XRN1: variants seen among roughly 807,000 people sequenced by gnomAD.
The protein encoded by XRN1 is strand-exchange protein 1 homolog.
In XRN1, 67 loss-of-function variants were observed where a neutral mutation model predicts 222.3. The ratio of observed to expected loss-of-function variants is 0.30; its 90% CI spans 0.25 to 0.37. The LOEUF (loss-of-function observed/expected upper bound fraction) is 0.37. Among genes scored for constraint, XRN1 ranks in the 10% least tolerant of loss-of-function variants. The probability of loss-of-function intolerance (pLI) is 1.00; values close to 1 mark genes in which losing one functional copy is unlikely to be tolerated. For missense variants in XRN1, 1,707 were observed against 2,000.2 expected (o/e 0.85, Z 2.80); for synonymous variants, 643 against 652.4 (o/e 0.99, Z 0.22).
chr3:142,335,873 G>C (rs533034291), intron 33 of XRN1, among the ~76,000 whole-genome samples: 1 of 152,174 alleles, frequency 6.6e-6, no homozygotes, highest in Non-Finnish European at 1.5e-5. Context: ...GCAGGTTAGA[G>C]CCATAATCTG....
chr3:142,401,574 C>G (rs2068133411), intron 18 of XRN1, among the ~76,000 whole-genome samples: 1 of 151,904 alleles, frequency 6.6e-6, no homozygotes, highest in Non-Finnish European at 1.5e-5. Context: ...AAAAATTGGC[C>G]AAGCGTGGTG....
chr3:142,371,322 T>C lies in XRN1; in HGVS notation c.2985A>G (p.Pro995=), dbSNP rs776556153. 2.5e-6 allele frequency: 4 copies of C among 1,610,174 alleles called. No homozygotes were observed. In the South Asian group the frequency reaches 3.3e-5, roughly 13 times the overall value. The part of the protein sequence containing the change: ...QLLAEYLERA[P]ELFSYIAKNS... ...TTTTGGCTATATAACTAAATAGTTCTGGAGCTCTGGTCAAACAAACAAAAA... is the reference window on the plus strand; with the variant it reads ...TTTTGGCTATATAACTAAATAGTTCCGGAGCTCTGGTCAAACAAACAAAAA... Residue 995 remains proline, a synonymous_variant, in exon 26 of 41, where the codon CCA becomes CCG. Coordinates refer to ENST00000392981, the MANE Select transcript of XRN1 (RefSeq NM_001282857.2).
Position 142,409,850 on chromosome 3 carries a change from T to C in XRN1, c.1713+2694A>G, listed in dbSNP as rs923861036. On this transcript the variant is annotated intron_variant, in intron 15 of 40. Transcript: ENST00000392981. ...CAAGGTAGAGGGCTTCCACATATGT[T>C]GTTAAGTTTATAGCTGTGTATTTTA... 3.3e-5 allele frequency among the ~76,000 whole-genome samples: 5 copies of C among 152,310 alleles called. No homozygotes were observed. In the South Asian group the frequency reaches 8.3e-4, roughly 25 times the overall value.
intron 33 of XRN1, among the ~76,000 whole-genome samples, chr3:142,340,104 C>T (rs963154831): frequency 2.0e-5 from 3 of 152,042 alleles, no homozygotes; most frequent in African/African-American, 7.2e-5. Context: ...GCCTGTAATC[C>T]CAGCACTTTG....
At chr3:142,380,280 G>C in intron 22 of XRN1, 100 bp from the exon 23 acceptor site, 1 of 969,574 alleles carries the variant, frequency 1.0e-6, no homozygotes, top group African/African-American at 1.6e-5. Flanking sequence ...TGACAAGTTG[G>C]ATAGTGGAAA....
chr3:142,379,707 C>T (rs1047796668), intron 23 of XRN1, among the ~76,000 whole-genome samples: 6 of 152,158 alleles, frequency 3.9e-5, no homozygotes, highest in Non-Finnish European at 7.4e-5. Flanking sequence ...ATACATACAG[C>T]CTTTGCAGAA....
rs376270845 is a variant in XRN1, at chr3:142,384,518, C to A, written c.2502+5G>T. On this transcript the variant is annotated splice_donor_5th_base_variant and intron_variant, in intron 21 of 40. Transcript: ENST00000392981. ...AGACAGAATTGAAACTTGATATAGA[C>A]TTACCTTGACAATAGTTTGATAAAC... The A allele has an allele frequency of 3.7e-6, 6 of 1,607,180 alleles. No individual in the cohort carries two copies. In the African/African-American group the frequency reaches 6.7e-5, roughly 18 times the overall value.
At position 142,421,092 on chromosome 3, in the gene XRN1, C is replaced by A. The variant is rs2069012297; in HGVS notation, c.1097G>T (p.Gly366Val). 6.2e-7 allele frequency: 1 copy of A among 1,614,012 alleles called. No homozygotes were observed. The highest frequency in any genetic ancestry group is 8.5e-7 in the Non-Finnish European group (1 of 1,179,972). Residue 366 changes from glycine (G) to valine (V), a missense_variant, in exon 10 of 41, where the codon GGT becomes GTT. Transcript: ENST00000392981. ...VDLKWFESKVGNKYLNEAAGV... is the reference protein window; with the variant it reads ...VDLKWFESKVVNKYLNEAAGV... ...TGCTGCTTCATTGAGGTACTTGTTA[C>A]CAACTTTGCTTTCAAACCATTTTAG...
intron 26 of XRN1, 51 bp from the exon 27 acceptor site, chr3:142,370,671 T>C (rs916923984): frequency 7.5e-6 from 11 of 1,471,116 alleles, no homozygotes; most frequent in South Asian, 1.4e-5. Context: ...TTCTCAGGGC[T>C]ATAAATTATA....
intron 25 of XRN1, 145 bp from the exon 26 acceptor site, chr3:142,371,473 G>A (rs909550897): frequency 1.2e-5 from 8 of 647,756 alleles, no homozygotes; most frequent in Non-Finnish European, 1.8e-5. Flanking sequence ...TATTAAAAGT[G>A]ATAGAAAGTG....
chr3:142,307,729 T>C lies in XRN1; in HGVS notation c.*3782A>G, dbSNP rs1313573204. Reference sequence around the variant, plus strand: ...AGTCAGTCCGAACGACATTAATTTCTGGAATTTTAAGCTTTATCTTGACTA... The same window carrying C: ...AGTCAGTCCGAACGACATTAATTTCCGGAATTTTAAGCTTTATCTTGACTA... On this transcript the variant is annotated 3_prime_UTR_variant, in exon 41 of 41. Transcript: ENST00000392981. 2 of 152,208 alleles carry C rather than the reference T, an allele frequency of 1.3e-5. No individual in the cohort carries two copies. Among genetic ancestry groups the C allele is most frequent in the Admixed American group, 1.3e-4 (2 of 15,278 alleles). 9.4% of individuals were successfully genotyped at this position (152,208 alleles called of 1,614,324 possible).
chr3:142,332,428 T>C lies in XRN1; in HGVS notation c.4169A>G (p.Asn1390Ser), dbSNP rs2065725866. 2 of 1,613,032 alleles carry C rather than the reference T, an allele frequency of 1.2e-6. No homozygotes were observed. Among genetic ancestry groups the C allele is most frequent in the African/African-American group, 1.3e-5 (1 of 74,910 alleles). The change falls in exon 36 of 41, where the codon AAC (asparagine) becomes AGC (serine). Residue 1390 changes from asparagine (N) to serine (S), a missense_variant. Transcript: ENST00000392981. ...QIANEIPVSS[N>S]RRDEYGLPSQ... is the part of the protein sequence containing the mutation. ...GGGTAATCCATATTCATCTCTTCTG[T>C]TAGAGGAAACAGGGATTTCATTAGC... is the stretch of plus-strand genomic sequence containing the variant.
chr3:142,330,327 A>G (rs2065658575), intron 36 of XRN1, among the ~76,000 whole-genome samples: 1 of 152,236 alleles, frequency 6.6e-6, no homozygotes, highest in Non-Finnish European at 1.5e-5. Context: ...GCTCTGAAAT[A>G]ATATTTCTTA....
At chr3:142,436,271 C>CAT (rs539949953) in intron 1 of XRN1, among the ~76,000 whole-genome samples, 154 of 152,170 alleles carry the variant, frequency 1.0e-3, no homozygotes, top group Non-Finnish European at 1.7e-3. Flanking sequence ...TGGGGAAGCA[C>CAT]ATATTTCATG....
chr3:142,353,912 G>T (rs1007897506), intron 32 of XRN1, among the ~76,000 whole-genome samples: 2 of 151,964 alleles, frequency 1.3e-5, no homozygotes, highest in African/African-American at 4.8e-5. Context: ...GAAAATATTC[G>T]CAAACTGTGC....
At position 142,310,794 on chromosome 3, in the gene XRN1, TTGAG is replaced by T; in HGVS notation, c.*713_*716del. On this transcript the variant is annotated 3_prime_UTR_variant, in exon 41 of 41. Coordinates refer to ENST00000392981, the MANE Select transcript of XRN1 (RefSeq NM_001282857.2). ...TACTAGAAATTACTAATGCTGGTTC[TTGAG>T]TAACCTAAAAAATTGTATTTACTCA... 1 of 152,766 alleles carries T rather than the reference TTGAG, an allele frequency of 6.5e-6. No homozygotes were observed. Among genetic ancestry groups the T allele is most frequent in the East Asian group, 1.9e-4 (1 of 5,188 alleles). 9.5% of individuals were successfully genotyped at this position (152,766 alleles called of 1,614,324 possible). A position where few individuals can be genotyped will look rare whatever the true frequency, so the allele number is the denominator to read the frequency against.
At chr3:142,325,835 T>C (rs1440686324) in intron 37 of XRN1, among the ~76,000 whole-genome samples, 1 of 152,170 alleles carries the variant, frequency 6.6e-6, no homozygotes, top group African/African-American at 2.4e-5. Context: ...TTTGATTTGA[T>C]TTTTGAAAAT....
rs1577477960 is a variant in XRN1 at position 142,448,001 on chromosome 3, G to C, written c.-57C>G. 1 of 1,577,968 alleles carries C rather than the reference G, an allele frequency of 6.3e-7. No homozygotes were observed. The highest frequency in any genetic ancestry group is 8.7e-7 in the Non-Finnish European group (1 of 1,152,100). On this transcript the variant is annotated 5_prime_UTR_variant, in exon 1 of 41. Coordinates refer to ENST00000392981, the MANE Select transcript of XRN1 (RefSeq NM_001282857.2). ...CAAACCGAAACCAAACGCCCCGCCG[G>C]GGCTCCGCCGCAGCCTCCGGTCGTC...
In XRN1 at chr3:142,400,466, C is replaced by A. The variant is rs1383847287; in HGVS notation, c.2185G>T (p.Ala729Ser). The change falls in exon 19 of 41, where the codon GCT becomes TCT. Residue 729 changes from alanine to serine, a missense_variant. By Grantham distance (99) the Ala-to-Ser change is moderately conservative. Around this residue, in one of 2 missense-constraint regions of XRN1, gnomAD observed 1,234 missense variants for 1,518.2 expected, o/e 0.81. Transcript: ENST00000392981. Reference protein sequence around the residue: ...WPHLEEARVVAVSDGETKFYL... With the variant: ...WPHLEEARVVSVSDGETKFYL... Reference sequence around the variant, plus strand: ...TACTTAGTTTCTCCATCTGATACAGCCACGACTCTAGCTTCCTCAAGGTGA... The same window carrying A: ...TACTTAGTTTCTCCATCTGATACAGACACGACTCTAGCTTCCTCAAGGTGA... 1.9e-6 allele frequency: 3 copies of A among 1,611,712 alleles called. No individual in the cohort carries two copies. Among genetic ancestry groups the A allele is most frequent in the Non-Finnish European group, 2.5e-6 (3 of 1,178,732 alleles).
Sources: allele counts gnomAD v4.1 joint callset (sites outside exome capture counted in the v4.1 genomes callset), GRCh38; gene constraint gnomAD v4.1.1; regional missense constraint gnomAD v4.1.1; transcripts MANE v1.5; gene names NCBI Gene and HGNC (gene_info 2026-07-23, HGNC 2026-07-21).